The following NDUFS7 variants were observed in gnomAD, a reference collection of about 807,000 sequenced individuals.
The protein encoded by NDUFS7 is NADH dehydrogenase [ubiquinone] iron-sulfur protein 7, mitochondrial.
NDUFS7 carries 11 observed loss-of-function variants against 31.1 expected under a neutral mutation model. That is an observed-to-expected ratio of 0.35 (90% confidence interval 0.22 to 0.59). NDUFS7 has a LOEUF of 0.59. NDUFS7 is among the 20% of genes least tolerant of loss of function. The pLI, the probability that NDUFS7 is intolerant of heterozygous loss-of-function variation, is 0.79. For synonymous variants in NDUFS7, 136 were observed against 127.9 expected, an observed-to-expected ratio of 1.06 and a Z score of -0.43; for missense variants, 263 against 324.2, an observed-to-expected ratio of 0.81 and a Z score of 1.45.
In NDUFS7 at chr19:1,395,281, C is replaced by T. The variant is rs549802646; in HGVS notation, c.545-110C>T. ...GCCCACCCAGGGCTGTCAGCCTCCA[C>T]CTTCAGAGGCCGGCCCGGGAAACCC... On this transcript the variant is annotated intron_variant, in intron 7 of 7. Coordinates refer to ENST00000233627, the MANE Select transcript of NDUFS7 (RefSeq NM_024407.5). The T allele has an allele frequency of 5.7e-5, 85 of 1,492,084 alleles. No homozygotes were observed. The African/African-American group carries it at 8.6e-4, about 15-fold the overall frequency. The allele number at this position is 1,492,084 out of a possible 1,614,324, so 92.4% of individuals were successfully genotyped here.
chr19:1,394,572 C>G (rs1177139208), intron 7 of NDUFS7: 1 of 1,250,768 alleles, frequency 8.0e-7, no homozygotes, highest in Admixed American at 2.5e-5. Context: ...GCTCCTCCCT[C>G]CCTGCGGACC....
At chr19:1,395,316 C>T (rs905057548) in intron 7 of NDUFS7, 75 bp from the exon 8 acceptor site, 46 of 1,529,130 alleles carry the variant, frequency 3.0e-5, no homozygotes, top group Middle Eastern at 4.4e-4. Flanking sequence ...CTTCCAAAGC[C>T]GAGCCGGCTG....
At chr19:1,388,493 CA>C (rs779288455) in intron 2 of NDUFS7, 31 bp from the exon 3 acceptor site, 1 of 1,604,158 alleles carries the variant, frequency 6.2e-7, no homozygotes, top group African/African-American at 1.3e-5. Context: ...GGGCCTGGGA[CA>C]GCCACTGACC....
rs1311193687 is a variant in NDUFS7 at position 1,390,564 on chromosome 19, G to A, written c.229-307G>A. 1.9e-5 allele frequency: 10 copies of A among 529,022 alleles called. No homozygotes were observed. The Admixed American group carries it at 1.9e-4, about 10-fold the overall frequency. The allele number at this position is 529,022 out of a possible 1,614,324, so 32.8% of individuals were successfully genotyped here. Reference sequence around the variant, plus strand: ...GCTACTACTCGCCTGTAGCCCACGCGCTCAGAGAGTGGCTGGAGCCCCCTG... The same window carrying A: ...GCTACTACTCGCCTGTAGCCCACGCACTCAGAGAGTGGCTGGAGCCCCCTG... On this transcript the variant is annotated intron_variant, in intron 4 of 7. Coordinates refer to ENST00000233627, the MANE Select transcript of NDUFS7 (RefSeq NM_024407.5).
At chr19:1,395,132 C>G (rs907284374) in intron 7 of NDUFS7, 1 of 1,387,410 alleles carries the variant, frequency 7.2e-7, no homozygotes, top group African/African-American at 1.5e-5. Flanking sequence ...GCGTCTTGTC[C>G]GAGAGGTCCC....
chr19:1,391,193 G>T (rs1432531396), intron 6 of NDUFS7, 28 bp downstream of exon 6: 10 of 1,607,996 alleles, frequency 6.2e-6, no homozygotes, highest in African/African-American at 1.3e-5. Context: ...GGTCTCCAGG[G>T]ACAGACGTAG....
chr19:1,388,430 C>T, intron 2 of NDUFS7, 95 bp from the exon 3 acceptor site: 1 of 1,159,836 alleles, frequency 8.6e-7, no homozygotes, highest in Non-Finnish European at 1.3e-6. Flanking sequence ...AACAGTCTCG[C>T]AGCAGGGAGG....
chr19:1,388,761 G>C (rs751213511), intron 3 of NDUFS7, 72 bp from the exon 4 acceptor site: 47 of 1,499,678 alleles, frequency 3.1e-5, no homozygotes, highest in Non-Finnish European at 4.2e-5. Context: ...CAGCGGCCGT[G>C]GGGGCTCGCA....
At chr19:1,394,385 G>A (rs2082577939) in intron 7 of NDUFS7, 3 of 1,289,156 alleles carry the variant, frequency 2.3e-6, no homozygotes, top group South Asian at 1.2e-5. Context: ...GGGGCAAGTT[G>A]CGAGTGTGGA....
chr19:1,388,678 T>C, intron 3 of NDUFS7, 85 bp downstream of exon 3: 3 of 1,478,718 alleles, frequency 2.0e-6, no homozygotes, highest in Non-Finnish European at 2.8e-6. Flanking sequence ...CCGCAGCCAC[T>C]GAGGTGCATG....
chr19:1,389,061 A>C, intron 4 of NDUFS7, 123 bp downstream of exon 4: 8 of 834,498 alleles, frequency 9.6e-6, no homozygotes, highest in Non-Finnish European at 1.6e-5. Flanking sequence ...GCACACTCAC[A>C]TGCGCACATG....
intron 2 of NDUFS7, 135 bp from the exon 3 acceptor site, chr19:1,388,390 G>T (rs928187023): frequency 1.3e-5 from 11 of 827,592 alleles, no homozygotes; most frequent in African/African-American, 1.2e-4. Flanking sequence ...GCTCTGGCCA[G>T]TGGCCCAAGT....
rs747324260 is a variant in NDUFS7 at position 1,390,902 on chromosome 19, C to A, written c.260C>A (p.Ala87Asp). 6.8e-6 allele frequency: 11 copies of A among 1,610,930 alleles called. No individual in the cohort carries two copies. The Admixed American group carries it at 1.7e-4, about 24-fold the overall frequency. Residue 87 changes from alanine to aspartate, a missense_variant, in exon 5 of 8, where the codon GCC (alanine) becomes GAC (aspartate). Physicochemically the swap from Ala to Asp is moderately radical, Grantham distance 126. Coordinates refer to ENST00000233627, the MANE Select transcript of NDUFS7 (RefSeq NM_024407.5). ...SSLWPMTFGLACCAVEMMHMA... is the reference protein window; with the variant it reads ...SSLWPMTFGLDCCAVEMMHMA... The stretch of plus-strand genomic sequence containing the variant: ...CTGTGGCCCATGACCTTCGGCCTGG[C>A]CTGCTGCGCCGTGGAGATGATGCAC...
In NDUFS7 at chr19:1,393,592, T is replaced by C; in HGVS notation, c.544+262T>C. 1.6e-6 allele frequency: 1 copy of C among 629,240 alleles called. No individual in the cohort carries two copies. Among genetic ancestry groups the C allele is most frequent in the South Asian group, 1.8e-5 (1 of 56,046 alleles). The allele number at this position is 629,240 out of a possible 1,614,324, so 39.0% of individuals were successfully genotyped here. ...TGACACACGCCTGGTTTACAGCAGT[T>C]TCATATGGTCCTACCTGGCACAAAC... On this transcript the variant is annotated intron_variant, in intron 7 of 7. Transcript: ENST00000233627. This position sits in a 1 kb window ranked among gnomAD's most constrained non-coding sequence, Gnocchi z 7.3.
chr19:1,394,303 A>G, intron 7 of NDUFS7: 2 of 1,236,654 alleles, frequency 1.6e-6, no homozygotes, highest in Non-Finnish European at 2.1e-6. Flanking sequence ...ACTTGACAGC[A>G]CAGAGAGGTC....
chr19:1,391,486 CTTTTT>C (rs11287297), intron 6 of NDUFS7, among the ~76,000 whole-genome samples: 3 of 122,694 alleles, frequency 2.4e-5, no homozygotes, highest in African/African-American at 3.1e-5. Flanking sequence ...AGTTTTTTTT[CTTTTT>C]TTTTTTTTTT....
Position 1,394,607 on chromosome 19 carries a change from C to T in NDUFS7, c.545-784C>T, listed in dbSNP as rs535696625. On this transcript the variant is annotated intron_variant, in intron 7 of 7. Coordinates refer to ENST00000233627, the MANE Select transcript of NDUFS7 (RefSeq NM_024407.5). Reference sequence around the variant, plus strand: ...CGCGCTCGGCCCTCCCTGGGGACCGCGCCCCTCCCTCCCAGCGGACCGCGC... The same window carrying T: ...CGCGCTCGGCCCTCCCTGGGGACCGTGCCCCTCCCTCCCAGCGGACCGCGC... 215 of 1,212,236 alleles carry T rather than the reference C, an allele frequency of 1.8e-4. 1 individual carries two copies. Among genetic ancestry groups the T allele is most frequent in the East Asian group, 2.7e-4 (4 of 14,678 alleles). 75.1% of individuals were successfully genotyped at this position (1,212,236 alleles called of 1,614,324 possible). A position where few individuals can be genotyped will look rare whatever the true frequency, so the allele number is the denominator to read the frequency against.
At chr19:1,394,541 T>A (rs1399754165) in intron 7 of NDUFS7, 2 of 1,231,564 alleles carry the variant, frequency 1.6e-6, no homozygotes, top group East Asian at 1.3e-4. Flanking sequence ...CGGACCGCGC[T>A]CCTCCCTCCC....
intron 4 of NDUFS7, chr19:1,389,232 T>C (rs892024163): frequency 7.5e-6 from 5 of 664,656 alleles, no homozygotes; most frequent in Middle Eastern, 5.7e-4. Context: ...CATGCACACT[T>C]GCACTCATGC....
Sources: allele counts gnomAD v4.1 joint callset (sites outside exome capture counted in the v4.1 genomes callset), GRCh38; gene constraint gnomAD v4.1.1; non-coding constraint Gnocchi (gnomAD v3.1); transcripts MANE v1.5; gene names NCBI Gene and HGNC (gene_info 2026-07-23, HGNC 2026-07-21).